Variants in PURG observed in about 807,000 individuals in gnomAD.
PURG encodes purine-rich element-binding protein gamma.
A neutral mutation model predicts 24.3 loss-of-function variants in PURG; 3 were observed. That is an observed-to-expected ratio of 0.12 (90% confidence interval 0.06 to 0.32). PURG has a LOEUF of 0.32. Among genes scored for constraint, PURG ranks in the 10% least tolerant of loss-of-function variants. The probability of loss-of-function intolerance (pLI) is 1.00; values close to 1 mark genes in which losing one functional copy is unlikely to be tolerated. For synonymous variants in PURG, 180 were observed against 173.1 expected (o/e 1.04, Z -0.31); for missense variants, 371 against 439.1 (o/e 0.84, Z 1.39).
At chr8:31,007,744 CTG>C (rs1810681982) in intron 1 of PURG, among the ~76,000 whole-genome samples, 1 of 152,134 alleles carries the variant, frequency 6.6e-6, no homozygotes, top group Admixed American at 6.5e-5. Context: ...ATGAGAAAAA[CTG>C]TAGGTACTAG....
At chr8:31,023,906 G>T (rs1255087264) in intron 1 of PURG, among the ~76,000 whole-genome samples, 1 of 152,114 alleles carries the variant, frequency 6.6e-6, no homozygotes, top group African/African-American at 2.4e-5. Flanking sequence ...AGGAAAAATG[G>T]CATTTCAGGA....
At chr8:31,010,388 A>G (rs1041221382) in intron 1 of PURG, among the ~76,000 whole-genome samples, 9 of 152,232 alleles carry the variant, frequency 5.9e-5, no homozygotes, top group Admixed American at 5.2e-4. Context: ...GTCGGCAAGC[A>G]GCTGGTGCAC....
intron 1 of PURG, among the ~76,000 whole-genome samples, chr8:31,005,930 G>A (rs1243027221): frequency 6.6e-6 from 1 of 152,058 alleles, no homozygotes; most frequent in African/African-American, 2.4e-5. Flanking sequence ...AGAGAAAGGA[G>A]ACTGATGCAC....
downstream of PURG, among the ~76,000 whole-genome samples, chr8:31,029,209 T>C (rs941977103): frequency 6.6e-6 from 1 of 151,810 alleles, no homozygotes; most frequent in African/African-American, 2.4e-5. Flanking sequence ...CATTTTTGAA[T>C]GATTAACTAT....
chr8:31,020,475 T>G (rs570793283), intron 1 of PURG, among the ~76,000 whole-genome samples: 1 of 152,218 alleles, frequency 6.6e-6, no homozygotes, highest in Non-Finnish European at 1.5e-5. Flanking sequence ...ATTTATATAC[T>G]ATAATTACAA....
intron 1 of PURG, among the ~76,000 whole-genome samples, chr8:31,018,268 T>C (rs1810912689): frequency 6.6e-6 from 1 of 152,208 alleles, no homozygotes; most frequent in African/African-American, 2.4e-5. Context: ...AACCAGTAAA[T>C]TAACAGAAGG....
chr8:31,021,712 G>C (rs1047490153), intron 1 of PURG, among the ~76,000 whole-genome samples: 1 of 152,038 alleles, frequency 6.6e-6, no homozygotes, highest in Non-Finnish European at 1.5e-5. Context: ...TGTAAATTTG[G>C]GTTCAAATAC....
intron 1 of PURG, among the ~76,000 whole-genome samples, chr8:31,005,033 T>C (rs1217633783): frequency 6.6e-6 from 1 of 152,176 alleles, no homozygotes; most frequent in African/African-American, 2.4e-5. Context: ...TTCTTGCCTG[T>C]TTTAAAAAAG....
At chr8:31,027,091 CTTT>C (rs1266688534), downstream of PURG, among the ~76,000 whole-genome samples, 1 of 151,586 alleles carries the variant, frequency 6.6e-6, no homozygotes, top group African/African-American at 2.4e-5. Flanking sequence ...CATACTTATT[CTTT>C]TTCTCTGATG....
chr8:31,021,872 T>A (rs749987473), intron 1 of PURG, among the ~76,000 whole-genome samples: 1 of 152,084 alleles, frequency 6.6e-6, no homozygotes, highest in African/African-American at 2.4e-5. Context: ...GCAATAGTTA[T>A]TACTACTAAT....
At chr8:31,012,212 G>T (rs1326938560) in intron 1 of PURG, among the ~76,000 whole-genome samples, 2 of 152,194 alleles carry the variant, frequency 1.3e-5, no homozygotes, top group East Asian at 1.9e-4. Flanking sequence ...TTTTCAAATG[G>T]GAAACTTAAG....
intron 1 of PURG, among the ~76,000 whole-genome samples, chr8:31,020,017 A>G (rs1451111186): frequency 1.3e-5 from 2 of 152,106 alleles, no homozygotes; most frequent in East Asian, 2.0e-4. Flanking sequence ...CCAAGAATAC[A>G]AAAATTAGCT....
chr8:31,016,887 T>C (rs1326681351), intron 1 of PURG, among the ~76,000 whole-genome samples: 1 of 152,190 alleles, frequency 6.6e-6, no homozygotes, highest in African/African-American at 2.4e-5. Context: ...GTTTAATACT[T>C]AAGAGTATCT....
At chr8:31,022,493 C>G (rs1332258741) in intron 1 of PURG, among the ~76,000 whole-genome samples, 1 of 152,158 alleles carries the variant, frequency 6.6e-6, no homozygotes, top group Non-Finnish European at 1.5e-5. Flanking sequence ...ATAGATCAAG[C>G]TCACAGGGCA....
intron 1 of PURG, among the ~76,000 whole-genome samples, chr8:31,005,171 G>A (rs1201976923): frequency 2.6e-5 from 4 of 152,162 alleles, no homozygotes; most frequent in African/African-American, 9.7e-5. Context: ...AGTGGCTTAT[G>A]CCCATAATCC....
downstream of PURG, among the ~76,000 whole-genome samples, chr8:31,029,002 C>T (rs1051161824): frequency 4.0e-5 from 6 of 151,756 alleles, no homozygotes; most frequent in African/African-American, 9.7e-5. Context: ...TTGAAGGATA[C>T]CATGAACACT....
chr8:31,024,928 T>A (rs908759010), intron 1 of PURG, among the ~76,000 whole-genome samples: 1 of 151,834 alleles, frequency 6.6e-6, no homozygotes, highest in Non-Finnish European at 1.5e-5. Flanking sequence ...AATAGAAAAA[T>A]TTTTTGCAAA....
In PURG at chr8:31,033,128, C is replaced by A; in HGVS notation, c.-57G>T. ...CCGATGCCCTTCACGACCACCGCCGCCGCCACCGCCAGCTCTCGGCCCCTC... is the reference window on the plus strand; with the variant it reads ...CCGATGCCCTTCACGACCACCGCCGACGCCACCGCCAGCTCTCGGCCCCTC... On this transcript the variant is annotated 5_prime_UTR_variant, in exon 1 of 2. Transcript: ENST00000523392. 4.5e-6 allele frequency: 1 copy of A among 223,262 alleles called. No homozygotes were observed. The highest frequency in any genetic ancestry group is 8.1e-5 in the East Asian group (1 of 12,376). 13.8% of individuals were successfully genotyped at this position (223,262 alleles called of 1,614,324 possible). A position where few individuals can be genotyped will look rare whatever the true frequency, so the allele number is the denominator to read the frequency against.
intron 1 of PURG, among the ~76,000 whole-genome samples, chr8:31,006,530 A>AAAAAC (rs1810655814): frequency 6.6e-6 from 1 of 152,118 alleles, no homozygotes; most frequent in African/African-American, 2.4e-5. Context: ...AAACAAAAAC[A>AAAAAC]AAAACAAAAA....
Sources: allele counts gnomAD v4.1 joint callset (sites outside exome capture counted in the v4.1 genomes callset), GRCh38; gene constraint gnomAD v4.1.1; transcripts MANE v1.5; gene names NCBI Gene and HGNC (gene_info 2026-07-23, HGNC 2026-07-21).